The following CD86 variants were observed in gnomAD, a reference collection of about 807,000 sequenced individuals.
CD86 encodes the protein T-lymphocyte activation antigen CD86.
CD86 carries 11 observed loss-of-function variants against 32.1 expected under a neutral mutation model. The ratio of observed to expected loss-of-function variants is 0.34; its 90% CI spans 0.22 to 0.57. CD86 has a LOEUF of 0.57. Ranked by LOEUF, CD86 falls within the 20% of genes least tolerant of loss-of-function variation. The pLI, the probability that CD86 is intolerant of heterozygous loss-of-function variation, is 0.86. For missense variants in CD86, 359 were observed against 398.4 expected (o/e 0.90, Z 0.84); for synonymous variants, 137 against 135.3 (o/e 1.01, Z -0.09).
rs945277587 is a variant in CD86 at position 122,106,438 on chromosome 3, T to C, written c.641T>C (p.Met214Thr). The C allele has an allele frequency of 3.7e-6, 6 of 1,613,990 alleles. No individual in the cohort carries two copies. Among genetic ancestry groups the C allele is most frequent in the Admixed American group, 1.7e-5 (1 of 59,994 alleles). ...TCATTCCCTGATGTTACGAGCAATA[T>C]GACCATCTTCTGTATTCTGGAAACT... ...SVSFPDVTSN[M>T]TIFCILETDK... Residue 214 changes from methionine (M) to threonine (T), a missense_variant, in exon 4 of 7, where the codon ATG becomes ACG. Physicochemically the swap from Met to Thr is moderately conservative, Grantham distance 81. Coordinates refer to ENST00000330540, the MANE Select transcript of CD86 (RefSeq NM_175862.5).
chr3:122,057,496 A>G (rs2072254489), intron 1 of CD86, among the ~76,000 whole-genome samples: 2 of 152,236 alleles, frequency 1.3e-5, no homozygotes, highest in South Asian at 4.1e-4. Flanking sequence ...ACTTTTATAC[A>G]TGATACATGT....
chr3:122,092,419 A>G lies in CD86; in HGVS notation c.64+769A>G, dbSNP rs147961956. Reference sequence around the variant, plus strand: ...TCCTTCCTCTGCAACTTTTCCCTCCATGCCATTCTCCTGTCTGGTGGTGTT... The same window carrying G: ...TCCTTCCTCTGCAACTTTTCCCTCCGTGCCATTCTCCTGTCTGGTGGTGTT... On this transcript the variant is annotated intron_variant, in intron 2 of 6. Coordinates refer to ENST00000330540, the MANE Select transcript of CD86 (RefSeq NM_175862.5). 2.6e-5 allele frequency among the ~76,000 whole-genome samples: 4 copies of G among 152,226 alleles called. No homozygotes were observed. In the South Asian group the frequency reaches 8.3e-4, roughly 32 times the overall value.
intron 1 of CD86, among the ~76,000 whole-genome samples, chr3:122,084,053 C>T (rs1359790110): frequency 1.3e-5 from 2 of 152,140 alleles, no homozygotes; most frequent in Admixed American, 6.5e-5. Flanking sequence ...GTGGCGAGAT[C>T]TCTGCTCATC....
chr3:122,067,849 T>C (rs2072435863), intron 1 of CD86, among the ~76,000 whole-genome samples: 1 of 152,168 alleles, frequency 6.6e-6, no homozygotes, highest in South Asian at 2.1e-4. Context: ...GAGTAATGCC[T>C]CTTGTGTGGT....
intron 1 of CD86, among the ~76,000 whole-genome samples, chr3:122,068,857 C>T (rs998414673): frequency 1.3e-5 from 2 of 152,138 alleles, no homozygotes; most frequent in African/African-American, 4.8e-5. Flanking sequence ...ATCACTTAGA[C>T]CGTCCTTCCC....
intron 1 of CD86, among the ~76,000 whole-genome samples, chr3:122,081,747 A>T (rs2072637272): frequency 6.6e-6 from 1 of 152,190 alleles, no homozygotes; most frequent in African/African-American, 2.4e-5. Context: ...CTATAACAGA[A>T]ATCAACTCGT....
At chr3:122,058,444 C>T (rs993452165) in intron 1 of CD86, among the ~76,000 whole-genome samples, 1 of 152,134 alleles carries the variant, frequency 6.6e-6, no homozygotes, top group African/African-American at 2.4e-5. Context: ...GAGCAAAGAG[C>T]TAGTGCAAGA....
At chr3:122,069,368 G>A (rs1350617741) in intron 1 of CD86, among the ~76,000 whole-genome samples, 1 of 152,146 alleles carries the variant, frequency 6.6e-6, no homozygotes, top group African/African-American at 2.4e-5. Context: ...AAATTACTGA[G>A]ATTCGAAGAT....
At chr3:122,075,601 T>C (rs951701310) in intron 1 of CD86, among the ~76,000 whole-genome samples, 2 of 152,216 alleles carry the variant, frequency 1.3e-5, no homozygotes, top group African/African-American at 4.8e-5. Flanking sequence ...GTCATGACAC[T>C]GAAGGGGTCC....
intron 5 of CD86, among the ~76,000 whole-genome samples, chr3:122,113,469 C>T (rs910482487): frequency 6.6e-6 from 1 of 152,172 alleles, no homozygotes; most frequent in African/African-American, 2.4e-5. Context: ...ACATTCCCAC[C>T]AGCAGTGTAA....
intron 1 of CD86, among the ~76,000 whole-genome samples, chr3:122,088,581 G>C (rs2072762980): frequency 6.6e-6 from 1 of 152,154 alleles, no homozygotes; most frequent in African/African-American, 2.4e-5. Context: ...CACAAGCGCA[G>C]AGTATGGGAA....
At chr3:122,111,058 T>C (rs2073164523) in intron 5 of CD86, among the ~76,000 whole-genome samples, 1 of 152,202 alleles carries the variant, frequency 6.6e-6, no homozygotes, top group Non-Finnish European at 1.5e-5. Flanking sequence ...AAATAAGCTC[T>C]GTAGGTACAG....
intron 1 of CD86, among the ~76,000 whole-genome samples, chr3:122,059,995 C>T (rs2072307085): frequency 6.6e-6 from 1 of 152,100 alleles, no homozygotes; most frequent in South Asian, 2.1e-4. Flanking sequence ...AGTTTGGACT[C>T]CTGGCTTCCA....
At chr3:122,060,267 C>A (rs1212307156) in intron 1 of CD86, among the ~76,000 whole-genome samples, 1 of 152,160 alleles carries the variant, frequency 6.6e-6, no homozygotes, top group Non-Finnish European at 1.5e-5. Context: ...AAATGTCAGT[C>A]CAGAGGCCCT....
At chr3:122,082,849 G>T (rs959851354) in intron 1 of CD86, among the ~76,000 whole-genome samples, 1 of 152,126 alleles carries the variant, frequency 6.6e-6, no homozygotes, top group African/African-American at 2.4e-5. Flanking sequence ...TTTGATTTCT[G>T]TTGCTTTTAT....
chr3:122,056,298 T>A lies in CD86; in HGVS notation c.14+795T>A, dbSNP rs546513778. Among the ~76,000 whole-genome samples, 3 of 152,298 alleles carry A rather than the reference T, an allele frequency of 2.0e-5. No individual in the cohort carries two copies. In the East Asian group the frequency reaches 5.8e-4, roughly 29 times the overall value. ...GAGTCACACCCGCCCTTCTCTTGGG[T>A]GGTGGCAGCTGGCGCCAGTCACTAT... On this transcript the variant is annotated intron_variant, in intron 1 of 6. Coordinates refer to ENST00000330540, the MANE Select transcript of CD86 (RefSeq NM_175862.5).
At chr3:122,088,190 T>C (rs2072755895) in intron 1 of CD86, among the ~76,000 whole-genome samples, 1 of 151,182 alleles carries the variant, frequency 6.6e-6, no homozygotes, top group South Asian at 2.1e-4. Flanking sequence ...CTCTTTTTTT[T>C]TTTTTTTTTT....
At chr3:122,081,563 C>T (rs896468221) in intron 1 of CD86, among the ~76,000 whole-genome samples, 4 of 152,238 alleles carry the variant, frequency 2.6e-5, no homozygotes, top group African/African-American at 4.8e-5. Flanking sequence ...AGGACGATAG[C>T]TACCACGTTG....
chr3:122,115,916 A>G (rs1282868279), intron 5 of CD86, among the ~76,000 whole-genome samples: 1 of 152,136 alleles, frequency 6.6e-6, no homozygotes, highest in African/African-American at 2.4e-5. Flanking sequence ...AAAGCTACCA[A>G]GGTAATTCCA....
Sources: allele counts gnomAD v4.1 joint callset (sites outside exome capture counted in the v4.1 genomes callset), GRCh38; gene constraint gnomAD v4.1.1; transcripts MANE v1.5; gene names NCBI Gene and HGNC (gene_info 2026-07-23, HGNC 2026-07-21).